The following BACH2 variants were observed in gnomAD, a reference collection of about 807,000 sequenced individuals.
The protein encoded by BACH2 is BACH transcriptional regulator 2.
Under a neutral mutation model 61.8 loss-of-function variants are expected in BACH2, and 5 were observed. The observed-to-expected ratio is 0.08, with a 90% CI of 0.04 to 0.17. The LOEUF (loss-of-function observed/expected upper bound fraction) is 0.17. BACH2 is among the 10% of genes least tolerant of loss of function. The probability of loss-of-function intolerance (pLI) is 1.00; values close to 1 mark genes in which losing one functional copy is unlikely to be tolerated. For missense variants in BACH2, 824 were observed against 1,091.1 expected (o/e 0.76, Z 3.45); for synonymous variants, 446 against 440.1 (o/e 1.01, Z -0.17).
chr6:90,260,044 C>A (rs896946075), intron 2 of BACH2, among the ~76,000 whole-genome samples: 2 of 150,252 alleles, frequency 1.3e-5, no homozygotes, highest in Non-Finnish European at 3.0e-5. Flanking sequence ...TTTCTATTAT[C>A]CATTTAGTTT....
intron 5 of BACH2, among the ~76,000 whole-genome samples, chr6:90,042,488 T>C (rs4707588): frequency 0.32 from 48,204 of 151,914 alleles, 8,572 homozygotes; most frequent in East Asian, 0.82. Flanking sequence ...GCACGACCAC[T>C]GTGCCCAGCC....
chr6:90,096,231 C>A (rs776689735), intron 4 of BACH2, among the ~76,000 whole-genome samples: 4 of 152,190 alleles, frequency 2.6e-5, no homozygotes, highest in Non-Finnish European at 5.9e-5. Context: ...TGTCCCTTGA[C>A]TATGCAAAGC....
intron 3 of BACH2, among the ~76,000 whole-genome samples, chr6:90,243,876 T>C (rs944290921): frequency 1.3e-5 from 2 of 152,236 alleles, no homozygotes; most frequent in African/African-American, 2.4e-5. Flanking sequence ...TTGATTGGAA[T>C]AGCTCAATTG....
chr6:89,934,007 A>T (rs919854093), intron 8 of BACH2, among the ~76,000 whole-genome samples: 10 of 150,612 alleles, frequency 6.6e-5, no homozygotes, highest in African/African-American at 2.4e-4. Context: ...AAAGTTTATT[A>T]AAAAAAAAGA....
chr6:90,221,926 T>C (rs1295043269), intron 3 of BACH2, among the ~76,000 whole-genome samples: 2 of 152,134 alleles, frequency 1.3e-5, no homozygotes, highest in African/African-American at 4.8e-5. Flanking sequence ...TGTCATGATA[T>C]AGCTTAGACC....
chr6:90,063,008 A>T, intron 5 of BACH2: 1 of 834,948 alleles, frequency 1.2e-6, no homozygotes, highest in African/African-American at 1.8e-5. Flanking sequence ...TGTATAGGGA[A>T]AAGAGTTTTT....
intron 1 of BACH2, among the ~76,000 whole-genome samples, chr6:90,279,962 G>A (rs1771808881): frequency 6.6e-6 from 1 of 152,128 alleles, no homozygotes; most frequent in Admixed American, 6.5e-5. Flanking sequence ...AAGTAAATGA[G>A]CTTGTTAGTC....
intron 3 of BACH2, among the ~76,000 whole-genome samples, chr6:90,243,165 A>G (rs1191289142): frequency 1.3e-5 from 2 of 149,184 alleles, no homozygotes; most frequent in African/African-American, 5.0e-5. Flanking sequence ...AAATGCTGGG[A>G]TTACAGGCGT....
At chr6:89,993,169 G>A (rs1776669400) in intron 6 of BACH2, among the ~76,000 whole-genome samples, 1 of 152,138 alleles carries the variant, frequency 6.6e-6, no homozygotes, top group African/African-American at 2.4e-5. Context: ...AATTTCTGTT[G>A]TTTAAGCCAC....
chr6:90,247,789 T>C (rs1021961354), intron 3 of BACH2, among the ~76,000 whole-genome samples: 6 of 152,144 alleles, frequency 3.9e-5, no homozygotes, highest in African/African-American at 1.2e-4. Context: ...ATGCCTAGAA[T>C]TTCCTCCCTC....
chr6:90,231,218 T>C (rs1770085629), intron 3 of BACH2, among the ~76,000 whole-genome samples: 1 of 152,192 alleles, frequency 6.6e-6, no homozygotes, highest in Non-Finnish European at 1.5e-5. Context: ...AAATTTTCAT[T>C]ACATACAACT....
chr6:90,036,260 C>T lies in BACH2; in HGVS notation c.-12-27404G>A, dbSNP rs575704186. 1.7e-4 allele frequency among the ~76,000 whole-genome samples: 26 copies of T among 151,396 alleles called. 2 individuals are homozygous for T. The South Asian group carries it at 4.2e-3, about 24-fold the overall frequency. On this transcript the variant is annotated intron_variant, in intron 5 of 8. Coordinates refer to ENST00000257749, the MANE Select transcript of BACH2 (RefSeq NM_021813.4). ...CCCTTCACCTTTTTTCACCTACTTC[C>T]TTTTATTCCCAGCAGGGCAGTAAAA...
At chr6:90,077,538 C>T (rs901310312) in intron 5 of BACH2, among the ~76,000 whole-genome samples, 6 of 152,062 alleles carry the variant, frequency 3.9e-5, no homozygotes, top group Non-Finnish European at 7.4e-5. Flanking sequence ...TGGTTCCTAA[C>T]ACAAAAACCA....
intron 6 of BACH2, among the ~76,000 whole-genome samples, chr6:90,004,691 G>A (rs955612482): frequency 7.9e-5 from 12 of 152,178 alleles, no homozygotes; most frequent in African/African-American, 2.9e-4. Context: ...CGTCATGGCT[G>A]GCATCCAGCC....
intron 4 of BACH2, chr6:90,117,090 G>C (rs1046809119): frequency 2.1e-5 from 6 of 281,666 alleles, no homozygotes; most frequent in Non-Finnish European, 4.2e-5. Context: ...GGTGTTTCTC[G>C]TCTCTCTGGC....
intron 6 of BACH2, among the ~76,000 whole-genome samples, chr6:89,978,908 G>T (rs945498928): frequency 1.3e-5 from 2 of 152,120 alleles, no homozygotes; most frequent in East Asian, 1.9e-4. Flanking sequence ...ATGAAAGCTC[G>T]TGGGAGCAAC....
chr6:90,102,994 T>C (rs1782724117), intron 4 of BACH2, among the ~76,000 whole-genome samples: 1 of 126,814 alleles, frequency 7.9e-6, no homozygotes, highest in African/African-American at 3.2e-5. Context: ...AACTGCTAAA[T>C]TTGACACAAT....
At chr6:90,105,616 A>G (rs1374524290) in intron 4 of BACH2, among the ~76,000 whole-genome samples, 1 of 152,218 alleles carries the variant, frequency 6.6e-6, no homozygotes, top group Non-Finnish European at 1.5e-5. Context: ...ATGCATAAAT[A>G]TGATTCTTTT....
Position 90,017,410 on chromosome 6 carries a change from C to T in BACH2, c.-12-8554G>A, listed in dbSNP as rs575359586. ...AATTTTTTTGTATTTTTAGTATAGA[C>T]AGGGTTTCACCATGTTGGCCAAGCT... On this transcript the variant is annotated intron_variant, in intron 5 of 8. Coordinates refer to ENST00000257749, the MANE Select transcript of BACH2 (RefSeq NM_021813.4). Among the ~76,000 whole-genome samples, 6 of 152,046 alleles carry T rather than the reference C, an allele frequency of 3.9e-5. No homozygotes were observed. In the South Asian group the frequency reaches 1.2e-3, roughly 32 times the overall value.
Sources: gnomAD v4.1 joint callset for allele counts (sites outside exome capture counted in the v4.1 genomes callset) on GRCh38, gnomAD v4.1.1 for gene constraint, MANE v1.5 for transcripts, NCBI Gene and HGNC (gene_info 2026-07-23, HGNC 2026-07-21) for gene names.